Variants in ADH5 observed in about 807,000 individuals in gnomAD.
The protein encoded by ADH5 is alcohol dehydrogenase class-3.
A neutral mutation model predicts 40.3 loss-of-function variants in ADH5; 32 were observed. The ratio of observed to expected loss-of-function variants is 0.79; its 90% CI spans 0.60 to 1.07. The LOEUF (loss-of-function observed/expected upper bound fraction) is 1.07. ADH5 is among the 50% of genes least tolerant of loss of function. The pLI is 0.00. For synonymous variants in ADH5, 125 were observed against 154.3 expected (o/e 0.81, Z 1.41); for missense variants, 353 against 460.5 (o/e 0.77, Z 2.14).
chr4:99,081,248 C>T, intron 4 of ADH5, 117 bp downstream of exon 4: 4 of 574,068 alleles, frequency 7.0e-6, no homozygotes, highest in South Asian at 1.7e-5. Flanking sequence ...AACGTTAATC[C>T]GACTGGGTTA....
chr4:99,071,041 G>GATAGACTAGAAGATATTTGCAAC lies in ADH5; in HGVS notation c.*1353_*1375dup, dbSNP rs1403527672. 1 of 152,108 alleles carries GATAGACTAGAAGATATTTGCAAC rather than the reference G, an allele frequency of 6.6e-6. No individual in the cohort carries two copies. The highest frequency in any genetic ancestry group is 2.1e-4 in the South Asian group (1 of 4,830). The allele number at this position is 152,108 out of a possible 1,614,324, so 9.4% of individuals were successfully genotyped here. A position where few individuals can be genotyped will look rare whatever the true frequency, so the allele number is the denominator to read the frequency against. On this transcript the variant is annotated 3_prime_UTR_variant, in exon 9 of 9. Transcript: ENST00000296412. ...CATAAAGTAAAAAGAAAAGTCACAAGATAGACTAGAAGATATTTGCAACAT... is the reference window on the plus strand; with the variant it reads ...CATAAAGTAAAAAGAAAAGTCACAAGATAGACTAGAAGATATTTGCAACATAGACTAGAAGATATTTGCAACAT...
intron 4 of ADH5, 139 bp downstream of exon 4, chr4:99,081,226 C>T (rs1728019875): frequency 6.8e-6 from 4 of 584,606 alleles, no homozygotes; most frequent in Non-Finnish European, 1.2e-5. Context: ...TTGTTCGGGA[C>T]TCAGTCCTTT....
rs774472665 is a variant in ADH5, at chr4:99,076,750, C to T, written c.518G>A (p.Gly173Asp). The T allele has an allele frequency of 1.2e-6, 2 of 1,613,998 alleles. No individual in the cohort carries two copies. The highest frequency in any genetic ancestry group is 1.7e-6 in the Non-Finnish European group (2 of 1,179,890). The change falls in exon 5 of 9, where the codon GGT (glycine) becomes GAT (aspartate). Residue 173 changes from glycine (G) to aspartate (D), a missense_variant. Physicochemically the swap from Gly to Asp is moderately conservative, Grantham distance 94. Coordinates refer to ENST00000296412, the MANE Select transcript of ADH5 (RefSeq NM_000671.4). Reference protein sequence around the residue: ...LAPLDKVCLLGCGISTGYGAA... With the variant: ...LAPLDKVCLLDCGISTGYGAA... ...ACCATAACCGGTTGAAATGCCACAACCTAGAAGGCAGACTTTATCCAAAGG... is the reference window on the plus strand; with the variant it reads ...ACCATAACCGGTTGAAATGCCACAATCTAGAAGGCAGACTTTATCCAAAGG...
chr4:99,075,886 T>C (rs935063578), intron 6 of ADH5: 1 of 157,960 alleles, frequency 6.3e-6, no homozygotes, highest in African/African-American at 2.4e-5. Flanking sequence ...TTGGAGCATT[T>C]TGGATTTTTG....
intron 5 of ADH5, 28 bp from the exon 6 acceptor site, chr4:99,076,580 C>G (rs1209224200): frequency 6.2e-7 from 1 of 1,604,262 alleles, no homozygotes; most frequent in East Asian, 2.2e-5. Flanking sequence ...TTATAAAGTA[C>G]TCATTCTACC....
At chr4:99,082,219 C>G in intron 2 of ADH5, 103 bp from the exon 3 acceptor site, 1 of 1,159,970 alleles carries the variant, frequency 8.6e-7, no homozygotes. Context: ...ATTTCATTGA[C>G]TCTAAGACAC....
intron 1 of ADH5, among the ~76,000 whole-genome samples, chr4:99,085,980 T>A (rs938263162): frequency 6.6e-6 from 1 of 152,128 alleles, no homozygotes; most frequent in Non-Finnish European, 1.5e-5. Flanking sequence ...GAGGTTGCAG[T>A]GAGCCGAGAT....
In ADH5 at chr4:99,072,213, A is replaced by G; in HGVS notation, c.*204T>C. On this transcript the variant is annotated 3_prime_UTR_variant, in exon 9 of 9. Transcript: ENST00000296412. ...TTCCTTAATAAACTAGCAATTATTT[A>G]TGTGGAGGAGCATCCAGAAAACAGG... 4.3e-6 allele frequency: 2 copies of G among 461,490 alleles called. No individual in the cohort carries two copies. The highest frequency in any genetic ancestry group is 7.9e-6 in the Non-Finnish European group (2 of 254,504). 28.6% of individuals were successfully genotyped at this position (461,490 alleles called of 1,614,324 possible).
At chr4:99,074,196 A>G (rs28730635) in intron 7 of ADH5, among the ~76,000 whole-genome samples, 54 of 152,280 alleles carry the variant, frequency 3.5e-4, no homozygotes, top group African/African-American at 1.3e-3. Flanking sequence ...CTTTAGGAGG[A>G]GGATGAAATA....
At position 99,082,090 on chromosome 4, in the gene ADH5, G is replaced by A. The variant is rs186468716; in HGVS notation, c.141C>T (p.Thr47=). Residue 47 remains threonine, a synonymous_variant, in exon 3 of 9, where the codon ACC becomes ACT. Coordinates refer to ENST00000296412, the MANE Select transcript of ADH5 (RefSeq NM_000671.4). The part of the protein sequence containing the change: ...IKIIATAVCH[T]DAYTLSGADP... ...CAGCTCCACTCAGGGTATAGGCATC[G>A]GTGTGGCAAACCGCAGTGGCAATGA... 34 of 1,613,820 alleles carry A rather than the reference G, an allele frequency of 2.1e-5. No individual in the cohort carries two copies. The highest frequency in any genetic ancestry group is 2.5e-5 in the Non-Finnish European group (29 of 1,179,798).
chr4:99,083,910 A>G (rs2110463704), intron 2 of ADH5, among the ~76,000 whole-genome samples: 1 of 152,306 alleles, frequency 6.6e-6, no homozygotes, highest in African/African-American at 2.4e-5. Flanking sequence ...ACCTTGTACA[A>G]TATGCCTCTC....
At chr4:99,088,450 C>T (rs1410820794) in intron 1 of ADH5, among the ~76,000 whole-genome samples, 3 of 143,492 alleles carry the variant, frequency 2.1e-5, no homozygotes, top group African/African-American at 2.5e-5. Context: ...TCCCACCCCC[C>T]CACCCCGTTC....
intron 4 of ADH5, among the ~76,000 whole-genome samples, chr4:99,078,449 G>A (rs1459246928): frequency 1.3e-5 from 2 of 152,110 alleles, no homozygotes; most frequent in African/African-American, 4.8e-5. Context: ...CGGTCGCCCA[G>A]GTTGGAATGC....
rs28730594 is a variant in ADH5 at position 99,082,207 on chromosome 4, A to G, written c.115-91T>C. On this transcript the variant is annotated intron_variant, in intron 2 of 8. Coordinates refer to ENST00000296412, the MANE Select transcript of ADH5 (RefSeq NM_000671.4). ...AGAAAAGTCATTTTATTATAATACT[A>G]TATTTCATTGACTCTAAGACACATT... is the stretch of plus-strand genomic sequence containing the variant. 4.0e-3 allele frequency: 5,278 copies of G among 1,315,702 alleles called. 139 individuals are homozygous for G. The African/African-American group carries it at 0.062, about 15-fold the overall frequency. The allele number at this position is 1,315,702 out of a possible 1,614,324, so 81.5% of individuals were successfully genotyped here.
rs1728200527 is a variant in ADH5, at chr4:99,088,679, C to G, written c.12+10G>C. 2 of 1,605,606 alleles carry G rather than the reference C, an allele frequency of 1.2e-6. No homozygotes were observed. The highest frequency in any genetic ancestry group is 2.2e-5 in the South Asian group (2 of 89,830). ...CTTGGACTCAGGGCCCTCCGCTCAA[C>G]GGGCCCTACCTCGTTCGCCATGTTC... On this transcript the variant is annotated intron_variant, in intron 1 of 8. Transcript: ENST00000296412.
At chr4:99,081,932 T>C (rs1728032646) in intron 3 of ADH5, 43 bp downstream of exon 3, 2 of 1,607,860 alleles carry the variant, frequency 1.2e-6, no homozygotes, top group Non-Finnish European at 1.7e-6. Context: ...CCCATAGGAA[T>C]AAGCCAAAAT....
chr4:99,079,644 T>TAA (rs764157228), intron 4 of ADH5, among the ~76,000 whole-genome samples: 2 of 145,294 alleles, frequency 1.4e-5, no homozygotes, highest in Admixed American at 6.9e-5. Context: ...CTACTTCAAT[T>TAA]AAAAAAAAAA....
chr4:99,074,385 A>G (rs1345413818), intron 7 of ADH5, among the ~76,000 whole-genome samples: 1 of 152,194 alleles, frequency 6.6e-6, no homozygotes, highest in African/African-American at 2.4e-5. Flanking sequence ...CAAAGGGAAA[A>G]ATGATCAGTC....
At chr4:99,072,925 C>T (rs1727860699) in intron 7 of ADH5, among the ~76,000 whole-genome samples, 1 of 152,208 alleles carries the variant, frequency 6.6e-6, no homozygotes, top group African/African-American at 2.4e-5. Flanking sequence ...TTAAGATTTA[C>T]TAAAACCTCA....
Sources: allele counts gnomAD v4.1 joint callset (sites outside exome capture counted in the v4.1 genomes callset), GRCh38; gene constraint gnomAD v4.1.1; transcripts MANE v1.5; gene names NCBI Gene and HGNC (gene_info 2026-07-23, HGNC 2026-07-21).